Variants in HOXD13 observed in about 807,000 individuals in gnomAD.
The protein encoded by HOXD13 is homeobox protein Hox-D13.
HOXD13 carries 16 observed loss-of-function variants against 27.3 expected under a neutral mutation model. The ratio of observed to expected loss-of-function variants is 0.59; its 90% CI spans 0.40 to 0.89. The LOEUF (loss-of-function observed/expected upper bound fraction) is 0.89, where lower values mean the gene tolerates loss of function less well. HOXD13 is among the 40% of genes least tolerant of loss of function. HOXD13 has a pLI of 0.00. For missense variants in HOXD13, 481 were observed against 482.6 expected, an observed-to-expected ratio of 1.00 and a Z score of 0.03; for synonymous variants, 241 against 219.0, an observed-to-expected ratio of 1.10 and a Z score of -0.89.
rs1212751044 is a variant in HOXD13 at position 176,095,901 on chromosome 2, T to G, written c.*1171T>G. The G allele has an allele frequency of 5.1e-6, 1 of 196,230 alleles. No individual in the cohort carries two copies. Among genetic ancestry groups the G allele is most frequent in the Non-Finnish European group, 1.1e-5 (1 of 94,634 alleles). The allele number at this position is 196,230 out of a possible 1,614,324, so 12.2% of individuals were successfully genotyped here. A position where few individuals can be genotyped will look rare whatever the true frequency, so the allele number is the denominator to read the frequency against. On this transcript the variant is annotated 3_prime_UTR_variant, in exon 2 of 2. Coordinates refer to ENST00000392539, the MANE Select transcript of HOXD13 (RefSeq NM_000523.4). Reference sequence around the variant, plus strand: ...CAGACATTTAAAAATCACTTTTTACTCCTAGGGAGATGCCAATAAACAGAA... The same window carrying G: ...CAGACATTTAAAAATCACTTTTTACGCCTAGGGAGATGCCAATAAACAGAA...
At chr2:176,087,526 A>AT in the HOXD13 span, among the ~76,000 whole-genome samples, 18 of 152,230 alleles carry the variant, frequency 1.2e-4, no homozygotes, top group South Asian at 1.2e-3. Flanking sequence ...AAGTGCTGGG[A>AT]TTATAGGCGT....
rs1689356189 is a variant in HOXD13, at chr2:176,093,298, C to T, written c.408C>T (p.Tyr136=). 5 of 1,611,606 alleles carry T rather than the reference C, an allele frequency of 3.1e-6. No homozygotes were observed. The East Asian group carries it at 1.1e-4, about 36-fold the overall frequency. Residue 136 remains tyrosine (Y), a synonymous_variant, in exon 1 of 2, where the codon TAC becomes TAT. Transcript: ENST00000392539. ...GCTACCACTTCGGCAACGGCTACTA[C>T]AGCTGCCGTATGTCGCACGGCGTGG... is the stretch of plus-strand genomic sequence containing the variant. ...GYGYHFGNGY[Y]SCRMSHGVGL... is the part of the protein sequence containing the mutation.
Position 176,094,518 on chromosome 2 carries a change from C to A in HOXD13, c.820C>A (p.Arg274=). 21 of 1,613,912 alleles carry A rather than the reference C, an allele frequency of 1.3e-5. No homozygotes were observed. The highest frequency in any genetic ancestry group is 1.7e-5 in the Non-Finnish European group (20 of 1,179,934). ...ALNQPDMCVY[R]RGRKKRVPYT... ...AAATCAGCCGGACATGTGCGTCTAC[C>A]GAAGAGGGAGGAAGAAGAGAGTGCC... Residue 274 remains arginine, a synonymous_variant, in exon 2 of 2, where the codon CGA becomes AGA. Coordinates refer to ENST00000392539, the MANE Select transcript of HOXD13 (RefSeq NM_000523.4).
In HOXD13 at chr2:176,094,989, T is replaced by G; in HGVS notation, c.*259T>G. On this transcript the variant is annotated 3_prime_UTR_variant, in exon 2 of 2. Coordinates refer to ENST00000392539, the MANE Select transcript of HOXD13 (RefSeq NM_000523.4). ...TTTAAAATATCTGTTTTTAATGTTT[T>G]GTTTCTCCCTCCAGGCCAGTATAAA... 4 of 492,590 alleles carry G rather than the reference T, an allele frequency of 8.1e-6. No individual in the cohort carries two copies. Among genetic ancestry groups the G allele is most frequent in the Non-Finnish European group, 7.4e-6 (2 of 271,258 alleles). The allele number at this position is 492,590 out of a possible 1,614,324, so 30.5% of individuals were successfully genotyped here.
At chr2:176,094,183 C>A (rs1689376552) in intron 1 of HOXD13, among the ~76,000 whole-genome samples, 1 of 152,184 alleles carries the variant, frequency 6.6e-6, no homozygotes, top group African/African-American at 2.4e-5. Context: ...AAACTGTCCT[C>A]ATGAACGTGC....
upstream of HOXD13, among the ~76,000 whole-genome samples, chr2:176,089,693 A>T (rs150545132): frequency 3.1e-4 from 47 of 152,372 alleles, no homozygotes; most frequent in African/African-American, 1.1e-3. Context: ...ACTGATGCTT[A>T]AAAAGGATGC....
Position 176,094,628 on chromosome 2 carries a change from G to C in HOXD13, c.930G>C (p.Ser310=), listed in dbSNP as rs778129623. 2.5e-6 allele frequency: 4 copies of C among 1,614,014 alleles called. No individual in the cohort carries two copies. ...ACAAGGACAAGCGGCGGCGTATCTC[G>C]GCTGCTACGAACCTATCTGAGAGAC... ...FINKDKRRRI[S]AATNLSERQV... is the part of the protein sequence containing the mutation. Residue 310 remains serine, a synonymous_variant, in exon 2 of 2, where the codon TCG becomes TCC. Transcript: ENST00000392539.
chr2:176,095,237 A>T lies in HOXD13; in HGVS notation c.*507A>T, dbSNP rs1689395226. ...CCCTGAGGCAAGTGGAAAGGCAGGC[A>T]GTGCTCTGGGGTCACCGAGAAAGTC... On this transcript the variant is annotated 3_prime_UTR_variant, in exon 2 of 2. Transcript: ENST00000392539. The T allele has an allele frequency of 4.2e-6, 1 of 238,922 alleles. No individual in the cohort carries two copies. The highest frequency in any genetic ancestry group is 8.2e-6 in the Non-Finnish European group (1 of 121,328). The allele number at this position is 238,922 out of a possible 1,614,324, so 14.8% of individuals were successfully genotyped here.
chr2:176,089,221 T>G (rs1001502598), upstream of HOXD13, among the ~76,000 whole-genome samples: 2 of 152,210 alleles, frequency 1.3e-5, no homozygotes, highest in Non-Finnish European at 2.9e-5. Flanking sequence ...GTTGTTGTTG[T>G]TGTTTCTTTT....
rs779259177 is a variant in HOXD13, at chr2:176,093,697, G to A, written c.781+26G>A. The A allele has an allele frequency of 1.7e-5, 24 of 1,436,900 alleles. No individual in the cohort carries two copies. In the South Asian group the frequency reaches 2.8e-4, roughly 17 times the overall value. The allele number at this position is 1,436,900 out of a possible 1,614,324, so 89.0% of individuals were successfully genotyped here. ...GTAGGGGCGATGGAGAAAAGGGACC[G>A]ACACGAGGGAGGGGGAGAGAGAAGG... On this transcript the variant is annotated intron_variant, in intron 1 of 1. Transcript: ENST00000392539.
chr2:176,089,999 G>A (rs1689296174), upstream of HOXD13, among the ~76,000 whole-genome samples: 1 of 152,198 alleles, frequency 6.6e-6, no homozygotes, highest in Non-Finnish European at 1.5e-5. Flanking sequence ...TGAATGAAAT[G>A]TTTCTGCAAA....
At position 176,092,800 on chromosome 2, in the gene HOXD13, C is replaced by A; in HGVS notation, c.-91C>A. On this transcript the variant is annotated 5_prime_UTR_variant, in exon 1 of 2. Transcript: ENST00000392539. Reference sequence around the variant, plus strand: ...AGGAAGAGGGCGGGAGCGAGCGAACCAGAGAGAAAGGAGAGGAGGGAGGAG... The same window carrying A: ...AGGAAGAGGGCGGGAGCGAGCGAACAAGAGAGAAAGGAGAGGAGGGAGGAG... 1 of 868,152 alleles carries A rather than the reference C, an allele frequency of 1.2e-6. No individual in the cohort carries two copies. Among genetic ancestry groups the A allele is most frequent in the Non-Finnish European group, 1.5e-6 (1 of 663,568 alleles). 53.8% of individuals were successfully genotyped at this position (868,152 alleles called of 1,614,324 possible).
Position 176,093,030 on chromosome 2 carries a change from C to T in HOXD13, c.140C>T (p.Pro47Leu). The T allele has an allele frequency of 7.2e-7, 1 of 1,385,962 alleles. No individual in the cohort carries two copies. Among genetic ancestry groups the T allele is most frequent in the Non-Finnish European group, 9.3e-7 (1 of 1,078,162 alleles). The allele number at this position is 1,385,962 out of a possible 1,614,324, so 85.9% of individuals were successfully genotyped here. A position where few individuals can be genotyped will look rare whatever the true frequency, so the allele number is the denominator to read the frequency against. ...SGQCRGFLSA[P>L]VFAGTHSGRA... ...CAGTGCCGCGGCTTTCTCTCCGCGC[C>T]TGTGTTCGCCGGGACGCATTCGGGG... The change falls in exon 1 of 2, where the codon CCT becomes CTT. Residue 47 changes from proline (P) to leucine (L), a missense_variant. By Grantham distance (98) the Pro-to-Leu change is moderately conservative. Coordinates refer to ENST00000392539, the MANE Select transcript of HOXD13 (RefSeq NM_000523.4).
At chr2:176,091,893 T>C (rs1689325433), upstream of HOXD13, among the ~76,000 whole-genome samples, 1 of 151,996 alleles carries the variant, frequency 6.6e-6, no homozygotes, top group African/African-American at 2.4e-5. Flanking sequence ...CTCAGGGTCT[T>C]TCTGCGGGTC....
Position 176,092,779 on chromosome 2 carries a change from A to G in HOXD13, c.-112A>G. ...CACAGAGGGAGAGAGGGCTAGAGGA[A>G]GAGGGCGGGAGCGAGCGAACCAGAG... is the stretch of plus-strand genomic sequence containing the variant. On this transcript the variant is annotated 5_prime_UTR_variant, in exon 1 of 2. Transcript: ENST00000392539. 4.7e-6 allele frequency: 3 copies of G among 639,624 alleles called. No homozygotes were observed. The highest frequency in any genetic ancestry group is 6.6e-6 in the Non-Finnish European group (3 of 456,664). 39.6% of individuals were successfully genotyped at this position (639,624 alleles called of 1,614,324 possible).
chr2:176,094,605 A>G lies in HOXD13; in HGVS notation c.907A>G (p.Lys303Glu), dbSNP rs755071995. Reference protein sequence around the residue: ...NEYAINKFINKDKRRRISAAT... With the variant: ...NEYAINKFINEDKRRRISAAT... Reference sequence around the variant, plus strand: ...GTATGCCATTAACAAATTCATTAACAAGGACAAGCGGCGGCGTATCTCGGC... The same window carrying G: ...GTATGCCATTAACAAATTCATTAACGAGGACAAGCGGCGGCGTATCTCGGC... Residue 303 changes from lysine to glutamate, a missense_variant, in exon 2 of 2, where the codon AAG becomes GAG. Physicochemically the swap from Lys to Glu is moderately conservative, Grantham distance 56. Transcript: ENST00000392539. 1 of 1,614,150 alleles carries G rather than the reference A, an allele frequency of 6.2e-7. No homozygotes were observed. Among genetic ancestry groups the G allele is most frequent in the South Asian group, 1.1e-5 (1 of 91,080 alleles).
Position 176,093,385 on chromosome 2 carries a change from G to C in HOXD13, c.495G>C (p.Glu165Asp), listed in dbSNP as rs1254599167. ...CCTCGCTGGGAGGCTTTCCCGTGGA[G>C]AAGTACATGGACGTGTCAGGCCTGG... ...PHASLGGFPV[E>D]KYMDVSGLAS... The change falls in exon 1 of 2, where the codon GAG becomes GAC. Residue 165 changes from glutamate to aspartate, a missense_variant. Transcript: ENST00000392539. 6.2e-7 allele frequency: 1 copy of C among 1,613,910 alleles called. No homozygotes were observed. The highest frequency in any genetic ancestry group is 8.5e-7 in the Non-Finnish European group (1 of 1,180,050).
intron 1 of HOXD13, 144 bp from the exon 2 acceptor site, chr2:176,094,336 A>T: frequency 3.9e-6 from 3 of 779,050 alleles, no homozygotes; most frequent in Non-Finnish European, 6.6e-6. Context: ...TACATAATAA[A>T]GACCAAACAG....
In HOXD13 at chr2:176,092,852, G is replaced by A. The variant is rs144577020; in HGVS notation, c.-39G>A. 2.5e-6 allele frequency: 3 copies of A among 1,179,970 alleles called. No homozygotes were observed. Among genetic ancestry groups the A allele is most frequent in the Non-Finnish European group, 2.1e-6 (2 of 947,174 alleles). The allele number at this position is 1,179,970 out of a possible 1,614,324, so 73.1% of individuals were successfully genotyped here. On this transcript the variant is annotated 5_prime_UTR_variant, in exon 1 of 2. Transcript: ENST00000392539. ...CGCGCCGCGCCATGGTGTCCTGCGC[G>A]GGGCCAGGGCCAGGGCCGGGGCCGG... is the stretch of plus-strand genomic sequence containing the variant.
Sources: allele counts gnomAD v4.1 joint callset (sites outside exome capture counted in the v4.1 genomes callset), GRCh38; gene constraint gnomAD v4.1.1; transcripts MANE v1.5; gene names NCBI Gene and HGNC (gene_info 2026-07-23, HGNC 2026-07-21).